SGCZ: variants seen among roughly 807,000 people sequenced by gnomAD.
SGCZ encodes the protein sarcoglycan zeta.
Under a neutral mutation model 41.3 loss-of-function variants are expected in SGCZ, and 40 were observed. That is an observed-to-expected ratio of 0.97 (90% CI 0.75 to 1.26). The LOEUF (loss-of-function observed/expected upper bound fraction) is 1.26. SGCZ is among the 50% of genes most tolerant of loss of function. SGCZ has a pLI of 0.00. For synonymous variants in SGCZ, 206 were observed against 137.5 expected (o/e 1.50, Z -3.49); for missense variants, 552 against 369.8 (o/e 1.49, Z -4.04).
intron 1 of SGCZ, among the ~76,000 whole-genome samples, chr8:15,012,086 C>A (rs998582852): frequency 3.3e-5 from 5 of 152,082 alleles, no homozygotes; most frequent in African/African-American, 4.8e-5. Flanking sequence ...CCATCTTTGT[C>A]CTTATTAATG....
At chr8:14,126,914 T>C (rs1418713570) in intron 5 of SGCZ, among the ~76,000 whole-genome samples, 1 of 151,514 alleles carries the variant, frequency 6.6e-6, no homozygotes, top group Non-Finnish European at 1.5e-5. Flanking sequence ...CATTTATATA[T>C]GGGAGCTGAA....
intron 5 of SGCZ, among the ~76,000 whole-genome samples, chr8:14,112,281 T>G (rs200998696): frequency 3.3e-5 from 3 of 91,788 alleles, no homozygotes; most frequent in African/African-American, 4.2e-5. Context: ...TTTTTTTTTT[T>G]GTGGGGGGGG....
intron 1 of SGCZ, among the ~76,000 whole-genome samples, chr8:15,147,090 T>C (rs80331635): frequency 0.14 from 21,405 of 152,194 alleles, 1,833 homozygotes; most frequent in Middle Eastern, 0.3. Context: ...ATATACATCA[T>C]TGAAAATATT....
At chr8:14,407,171 C>G (rs570082936) in intron 2 of SGCZ, among the ~76,000 whole-genome samples, 2 of 145,992 alleles carry the variant, frequency 1.4e-5, no homozygotes, top group South Asian at 4.3e-4. Context: ...TGGGTTCAAG[C>G]TATTCTCCTG....
At chr8:14,117,054 G>C (rs1038770059) in intron 5 of SGCZ, among the ~76,000 whole-genome samples, 1 of 151,950 alleles carries the variant, frequency 6.6e-6, no homozygotes, top group Non-Finnish European at 1.5e-5. Flanking sequence ...TGTTTTAAAG[G>C]TTGCCATAAT....
intron 3 of SGCZ, among the ~76,000 whole-genome samples, chr8:14,259,829 T>C (rs1166054142): frequency 6.6e-6 from 1 of 151,430 alleles, no homozygotes; most frequent in African/African-American, 2.4e-5. Flanking sequence ...TTAAAGTAGT[T>C]TTTTCCAATT....
intron 1 of SGCZ, among the ~76,000 whole-genome samples, chr8:14,750,178 G>A (rs868689009): frequency 6.6e-6 from 1 of 152,054 alleles, no homozygotes; most frequent in Non-Finnish European, 1.5e-5. Context: ...CCCATCTGTG[G>A]GGAAGAAACA....
chr8:14,266,077 A>C (rs1348296079), intron 3 of SGCZ, among the ~76,000 whole-genome samples: 2 of 152,104 alleles, frequency 1.3e-5, no homozygotes, highest in African/African-American at 4.8e-5. Flanking sequence ...AATAACAGAA[A>C]ACTCCCCAAA....
At chr8:15,179,815 T>C (rs1800112504) in intron 1 of SGCZ, among the ~76,000 whole-genome samples, 1 of 152,106 alleles carries the variant, frequency 6.6e-6, no homozygotes, top group Non-Finnish European at 1.5e-5. Flanking sequence ...CGTAACCTGA[T>C]CATTAGCAGA....
intron 5 of SGCZ, among the ~76,000 whole-genome samples, chr8:14,148,903 G>C (rs553785416): frequency 6.6e-6 from 1 of 152,082 alleles, no homozygotes; most frequent in East Asian, 1.9e-4. Context: ...AATCGATGTG[G>C]TACATCAAGT....
At chr8:14,750,762 C>T (rs1799474590) in intron 1 of SGCZ, among the ~76,000 whole-genome samples, 1 of 152,130 alleles carries the variant, frequency 6.6e-6, no homozygotes, top group South Asian at 2.1e-4. Context: ...AAGTTGGCTT[C>T]GTTTATTTAA....
intron 5 of SGCZ, among the ~76,000 whole-genome samples, chr8:14,143,321 T>G (rs949485138): frequency 6.6e-6 from 1 of 152,306 alleles, no homozygotes; most frequent in Non-Finnish European, 1.5e-5. Flanking sequence ...TAACCATTTT[T>G]GTATAGCAGG....
In SGCZ at chr8:14,871,810, TATA is replaced by T. The variant is rs567419676; in HGVS notation, c.40-316887_40-316885del. On this transcript the variant is annotated intron_variant, in intron 1 of 7. Transcript: ENST00000382080. The stretch of plus-strand genomic sequence containing the variant: ...AGAGTGAGACTCTGTCTCAAAAATG[TATA>T]ATATGTGTGTGTATATATATATATA... 8.8e-4 allele frequency among the ~76,000 whole-genome samples: 132 copies of T among 149,946 alleles called. No homozygotes were observed. The East Asian group carries it at 0.022, about 25-fold the overall frequency.
At chr8:14,813,103 C>T (rs187064663) in intron 1 of SGCZ, among the ~76,000 whole-genome samples, 1 of 152,146 alleles carries the variant, frequency 6.6e-6, no homozygotes, top group Admixed American at 6.5e-5. Context: ...ACTATGAAAA[C>T]CTGATGCATT....
chr8:14,713,814 T>G (rs935472709), intron 1 of SGCZ, among the ~76,000 whole-genome samples: 1 of 152,088 alleles, frequency 6.6e-6, no homozygotes, highest in African/African-American at 2.4e-5. Context: ...TAAGTGTAAT[T>G]TTTGGGAGTC....
At chr8:14,547,670 A>G (rs567402426) in intron 2 of SGCZ, among the ~76,000 whole-genome samples, 1 of 152,258 alleles carries the variant, frequency 6.6e-6, no homozygotes, top group Admixed American at 6.5e-5. Context: ...GAATATCTCC[A>G]TGAGATCAAC....
At chr8:14,965,384 C>T (rs1385297903) in intron 1 of SGCZ, among the ~76,000 whole-genome samples, 1 of 151,850 alleles carries the variant, frequency 6.6e-6, no homozygotes, top group Non-Finnish European at 1.5e-5. Flanking sequence ...TTGAGAAAAT[C>T]GACATGAAAG....
chr8:14,914,857 C>G (rs181262680), intron 1 of SGCZ, among the ~76,000 whole-genome samples: 1 of 152,118 alleles, frequency 6.6e-6, no homozygotes, highest in Non-Finnish European at 1.5e-5. Context: ...GAAGGCCTCA[C>G]GATGTAGAAG....
intron 1 of SGCZ, among the ~76,000 whole-genome samples, chr8:14,610,607 G>T (rs1407288701): frequency 6.6e-6 from 1 of 152,102 alleles, no homozygotes; most frequent in East Asian, 1.9e-4. Flanking sequence ...CTCAGAGTCA[G>T]CTTGCACACT....
Sources: gnomAD v4.1 joint callset for allele counts (sites outside exome capture counted in the v4.1 genomes callset) on GRCh38, gnomAD v4.1.1 for gene constraint, MANE v1.5 for transcripts, NCBI Gene and HGNC (gene_info 2026-07-23, HGNC 2026-07-21) for gene names.